Variants in ERC2 observed in about 807,000 individuals in gnomAD.
ERC2 encodes ERC protein 2.
In ERC2, 42 loss-of-function variants were observed where a neutral mutation model predicts 114.8. That is an observed-to-expected ratio of 0.37 (90% CI 0.29 to 0.47). ERC2 has a LOEUF of 0.47. Ranked by LOEUF, ERC2 falls within the 20% of genes least tolerant of loss-of-function variation. ERC2 has a pLI of 0.99. For missense variants in ERC2, 939 were observed against 1,150.7 expected (o/e 0.82, Z 2.66); for synonymous variants, 454 against 425.5 (o/e 1.07, Z -0.82).
chr3:55,713,209 T>G (rs947375552), intron 15 of ERC2, among the ~76,000 whole-genome samples: 2 of 150,786 alleles, frequency 1.3e-5, no homozygotes, highest in African/African-American at 4.9e-5. Flanking sequence ...TTTTCCTTAT[T>G]AAAAAAAAAT....
At chr3:55,573,416 CT>C (rs1411442802) in intron 17 of ERC2, among the ~76,000 whole-genome samples, 3 of 152,124 alleles carry the variant, frequency 2.0e-5, no homozygotes, top group African/African-American at 7.2e-5. Context: ...ATTCACTTTT[CT>C]TTTTTTGCAT....
intron 3 of ERC2, among the ~76,000 whole-genome samples, chr3:56,254,293 C>T (rs2167617): frequency 0.12 from 18,180 of 152,184 alleles, 1,768 homozygotes; most frequent in African/African-American, 0.25. Context: ...CAACTATACT[C>T]AGCCCAAGAG....
intron 17 of ERC2, among the ~76,000 whole-genome samples, chr3:55,578,197 C>T (rs1252795535): frequency 1.3e-5 from 2 of 152,208 alleles, no homozygotes; most frequent in African/African-American, 4.8e-5. Flanking sequence ...TTGCAGCAGC[C>T]TAGAAAGTTA....
At chr3:55,865,383 T>C (rs1347642275) in intron 14 of ERC2, among the ~76,000 whole-genome samples, 1 of 152,132 alleles carries the variant, frequency 6.6e-6, no homozygotes, top group Non-Finnish European at 1.5e-5. Context: ...AGGCTGTATA[T>C]AAACATAGGC....
intron 2 of ERC2, among the ~76,000 whole-genome samples, chr3:56,427,928 G>A (rs74513044): frequency 6.6e-6 from 1 of 152,150 alleles, no homozygotes; most frequent in African/African-American, 2.4e-5. Context: ...TCCAGGATAA[G>A]CATATCCAAT....
At chr3:56,197,162 C>T (rs1471986289) in intron 3 of ERC2, among the ~76,000 whole-genome samples, 1 of 152,120 alleles carries the variant, frequency 6.6e-6, no homozygotes, top group Non-Finnish European at 1.5e-5. Flanking sequence ...CTCTGCAGCC[C>T]CAGTGGCCTG....
intron 3 of ERC2, among the ~76,000 whole-genome samples, chr3:56,174,512 G>C (rs2082861394): frequency 6.6e-6 from 1 of 152,166 alleles, no homozygotes. Flanking sequence ...TCAATTTAGA[G>C]TCAACATGGG....
chr3:55,602,665 C>T (rs779901953), intron 17 of ERC2, among the ~76,000 whole-genome samples: 1 of 152,096 alleles, frequency 6.6e-6, no homozygotes, highest in African/African-American at 2.4e-5. Flanking sequence ...ATGATGCCAG[C>T]TCCCCGGGGA....
chr3:55,762,187 A>C (rs1280293399), intron 14 of ERC2, among the ~76,000 whole-genome samples: 1 of 152,178 alleles, frequency 6.6e-6, no homozygotes, highest in Non-Finnish European at 1.5e-5. Flanking sequence ...CATGGGCCAT[A>C]CTTTCCTGAC....
intron 6 of ERC2, among the ~76,000 whole-genome samples, chr3:56,117,041 A>T (rs1367765902): frequency 6.6e-6 from 1 of 152,190 alleles, no homozygotes; most frequent in Non-Finnish European, 1.5e-5. Flanking sequence ...AGGTTAGGCA[A>T]ATTGTCCAAG....
chr3:56,266,131 A>AT (rs747696056), intron 3 of ERC2, among the ~76,000 whole-genome samples: 15,031 of 112,214 alleles, frequency 0.13, 2,729 homozygotes, highest in African/African-American at 0.3. Flanking sequence ...AAATAACTAG[A>AT]TTTTTTTTTT....
chr3:56,003,277 A>G (rs1003677473), intron 10 of ERC2: 13 of 447,986 alleles, frequency 2.9e-5, no homozygotes, highest in African/African-American at 4.3e-5. Context: ...GTTTCTAAAC[A>G]TTCCACAGTG....
At chr3:55,714,635 A>C in intron 15 of ERC2, among the ~76,000 whole-genome samples, 1 of 107,126 alleles carries the variant, frequency 9.3e-6, no homozygotes, top group African/African-American at 4.0e-5. Context: ...ATGGGTTTGT[A>C]TATATGTGTG....
chr3:55,835,145 G>T (rs886879973), intron 14 of ERC2, among the ~76,000 whole-genome samples: 14 of 152,028 alleles, frequency 9.2e-5, no homozygotes, highest in South Asian at 4.2e-4. Flanking sequence ...AGGACCAGAT[G>T]GATTCACAGC....
chr3:55,996,983 A>G (rs2071564642), intron 10 of ERC2, among the ~76,000 whole-genome samples: 1 of 152,220 alleles, frequency 6.6e-6, no homozygotes, highest in African/African-American at 2.4e-5. Context: ...AAGACTGGTC[A>G]TTGATTATTT....
chr3:55,776,130 T>C (rs557254317), intron 14 of ERC2, among the ~76,000 whole-genome samples: 39 of 151,564 alleles, frequency 2.6e-4, no homozygotes, highest in Non-Finnish European at 5.1e-4. Context: ...TCTGGCTCTT[T>C]AGAATGTTAT....
chr3:55,636,977 C>T (rs1355244731), intron 17 of ERC2, among the ~76,000 whole-genome samples: 2 of 152,132 alleles, frequency 1.3e-5, no homozygotes, highest in Non-Finnish European at 2.9e-5. Flanking sequence ...TTCACTGTGC[C>T]CTGTCACACA....
At chr3:56,146,399 A>T (rs1489257076) in intron 5 of ERC2, among the ~76,000 whole-genome samples, 1 of 152,218 alleles carries the variant, frequency 6.6e-6, no homozygotes, top group Non-Finnish European at 1.5e-5. Flanking sequence ...CATTCTTTCA[A>T]TGGAGAAAAT....
At chr3:56,210,811 C>T (rs1469025106) in intron 3 of ERC2, among the ~76,000 whole-genome samples, 3 of 152,160 alleles carry the variant, frequency 2.0e-5, no homozygotes, top group Non-Finnish European at 4.4e-5. Flanking sequence ...ATTTGAATAT[C>T]TACCATATGA....
Sources: gnomAD v4.1 joint callset for allele counts (sites outside exome capture counted in the v4.1 genomes callset) on GRCh38, gnomAD v4.1.1 for gene constraint, MANE v1.5 for transcripts, NCBI Gene and HGNC (gene_info 2026-07-23, HGNC 2026-07-21) for gene names.